FGF12: variants seen among roughly 807,000 people sequenced by gnomAD.
FGF12 encodes the protein fibroblast growth factor 12, also known as fibroblast growth factor 12B.
A neutral mutation model predicts 23.6 loss-of-function variants in FGF12; 14 were observed. That is an observed-to-expected ratio of 0.59 (90% CI 0.39 to 0.93). The LOEUF is 0.93. Among genes scored for constraint, FGF12 ranks in the 40% least tolerant of loss-of-function variants. The pLI, the probability that FGF12 is intolerant of heterozygous loss-of-function variation, is 0.00. For synonymous variants in FGF12, 62 were observed against 77.3 expected (o/e 0.80, Z 1.04); for missense variants, 175 against 217.8 (o/e 0.80, Z 1.24).
chr3:192,724,985 G>C (rs1054701444), intron 2 of FGF12, among the ~76,000 whole-genome samples: 1 of 152,072 alleles, frequency 6.6e-6, no homozygotes, highest in Non-Finnish European at 1.5e-5. Context: ...ATACATTTGA[G>C]AATGTCTTCC....
chr3:192,235,803 A>C (rs964974763), intron 4 of FGF12, among the ~76,000 whole-genome samples: 3 of 152,184 alleles, frequency 2.0e-5, no homozygotes, highest in African/African-American at 7.2e-5. Flanking sequence ...CCATTCAAAG[A>C]ACCAGCTTTT....
chr3:192,674,958 T>C (rs554137203), intron 2 of FGF12, among the ~76,000 whole-genome samples: 1 of 152,354 alleles, frequency 6.6e-6, no homozygotes, highest in South Asian at 2.1e-4. Context: ...CTTTGCAGCC[T>C]TTCCATGTTT....
chr3:192,219,884 TCTAA>T (rs1377885122), intron 4 of FGF12, among the ~76,000 whole-genome samples: 1 of 152,240 alleles, frequency 6.6e-6, no homozygotes, highest in Non-Finnish European at 1.5e-5. Context: ...TTGAAGATCC[TCTAA>T]CTGAGTTCAT....
chr3:192,265,168 T>A (rs988832620), intron 4 of FGF12: 1 of 151,998 alleles, frequency 6.6e-6, no homozygotes, highest in Non-Finnish European at 1.5e-5. Context: ...ACTTTAAGAG[T>A]TGGCCTGGAA....
chr3:192,459,166 A>G (rs1396688753), intron 2 of FGF12, among the ~76,000 whole-genome samples: 1 of 152,136 alleles, frequency 6.6e-6, no homozygotes, highest in African/African-American at 2.4e-5. Context: ...ACATGCAGAG[A>G]CTTCATCTTG....
intron 2 of FGF12, among the ~76,000 whole-genome samples, chr3:192,709,790 C>CT (rs1210262477): frequency 6.6e-6 from 1 of 152,162 alleles, no homozygotes; most frequent in Admixed American, 6.5e-5. Flanking sequence ...TCACTTCCAC[C>CT]CCCTAGAGCC....
chr3:192,308,185 G>A (rs1199097547), intron 4 of FGF12, among the ~76,000 whole-genome samples: 2 of 152,010 alleles, frequency 1.3e-5, no homozygotes, highest in Admixed American at 6.6e-5. Context: ...CGATATTCAC[G>A]TGAAAAACCA....
intron 2 of FGF12, among the ~76,000 whole-genome samples, chr3:192,587,288 T>C (rs986035823): frequency 2.6e-5 from 4 of 151,888 alleles, no homozygotes; most frequent in African/African-American, 9.7e-5. Context: ...TCAGAATGAA[T>C]GCCTTGTGAT....
chr3:192,705,849 C>T (rs1395213329), intron 2 of FGF12, among the ~76,000 whole-genome samples: 1 of 152,198 alleles, frequency 6.6e-6, no homozygotes, highest in Non-Finnish European at 1.5e-5. Flanking sequence ...GCTTTCTACA[C>T]TAGATCAACC....
chr3:192,292,064 G>T (rs1217220883), intron 4 of FGF12, among the ~76,000 whole-genome samples: 2 of 152,102 alleles, frequency 1.3e-5, no homozygotes, highest in Non-Finnish European at 2.9e-5. Flanking sequence ...ACCAAAATAT[G>T]AAAATGGCTA....
intron 2 of FGF12, among the ~76,000 whole-genome samples, chr3:192,437,719 C>CA (rs371838869): frequency 0.026 from 3,254 of 125,414 alleles, 70 homozygotes; most frequent in African/African-American, 0.083. Context: ...AACAAACAAA[C>CA]AAAAAAAAAA....
chr3:192,193,540 AT>A (rs1716910475), intron 4 of FGF12, among the ~76,000 whole-genome samples: 1 of 152,180 alleles, frequency 6.6e-6, no homozygotes, highest in Non-Finnish European at 1.5e-5. Flanking sequence ...CATCAAATTT[AT>A]TTGACATTCT....
intron 4 of FGF12, among the ~76,000 whole-genome samples, chr3:192,217,144 A>G (rs1010374314): frequency 1.1e-4 from 16 of 152,174 alleles, no homozygotes; most frequent in African/African-American, 3.1e-4. Flanking sequence ...GTGCAAGTCA[A>G]TTAACCACAC....
intron 4 of FGF12, among the ~76,000 whole-genome samples, chr3:192,320,563 A>G (rs1716482791): frequency 6.6e-6 from 1 of 152,198 alleles, no homozygotes; most frequent in African/African-American, 2.4e-5. Flanking sequence ...CTAGGTCACA[A>G]AACAAGTCTT....
Position 192,658,378 on chromosome 3 carries a change from G to C in FGF12, c.13+68803C>G, listed in dbSNP as rs181040179. On this transcript the variant is annotated intron_variant, in intron 2 of 5. Transcript: ENST00000445105. The stretch of plus-strand genomic sequence containing the variant: ...TGCCTCTTTCAACTCAAGATCAGCT[G>C]CTGGCTTGTGAGAACGTTCCCTTGG... Among the ~76,000 whole-genome samples, 3 of 152,300 alleles carry C rather than the reference G, an allele frequency of 2.0e-5. No homozygotes were observed. In the East Asian group the frequency reaches 5.8e-4, roughly 29 times the overall value.
intron 2 of FGF12, among the ~76,000 whole-genome samples, chr3:192,416,421 C>A (rs2108781358): frequency 6.6e-6 from 1 of 152,178 alleles, no homozygotes; most frequent in East Asian, 1.9e-4. Context: ...GCCTGTGAAA[C>A]AACTACATTA....
chr3:192,429,772 A>G (rs1721805198), intron 2 of FGF12, among the ~76,000 whole-genome samples: 1 of 143,958 alleles, frequency 6.9e-6, no homozygotes, highest in African/African-American at 2.5e-5. Context: ...ATTTGAGAAG[A>G]TATCTCTTAA....
chr3:192,408,447 A>C lies in FGF12; in HGVS notation c.14-47909T>G. ...GAAAATCCAGATGTAAACTTCCCCAACCTCTGGCGGCCGGGGGGCGGGGCG... is the reference window on the plus strand; with the variant it reads ...GAAAATCCAGATGTAAACTTCCCCACCCTCTGGCGGCCGGGGGGCGGGGCG... On this transcript the variant is annotated intron_variant, in intron 2 of 5. Transcript: ENST00000445105. The surrounding 1 kb of genome is among the most constrained non-coding windows in gnomAD (Gnocchi z 7.3). The C allele has an allele frequency of 7.4e-6, 10 of 1,345,472 alleles. No homozygotes were observed. The highest frequency in any genetic ancestry group is 3.0e-5 in the East Asian group (1 of 33,636). The allele number at this position is 1,345,472 out of a possible 1,614,324, so 83.3% of individuals were successfully genotyped here. A position where few individuals can be genotyped will look rare whatever the true frequency, so the allele number is the denominator to read the frequency against.
At chr3:192,189,849 GAC>G (rs2108645718) in intron 4 of FGF12, among the ~76,000 whole-genome samples, 1 of 152,160 alleles carries the variant, frequency 6.6e-6, no homozygotes, top group Admixed American at 6.5e-5. Context: ...CTAATATACC[GAC>G]CAAAGAGGAT....
Sources: gnomAD v4.1 joint callset for allele counts (sites outside exome capture counted in the v4.1 genomes callset) on GRCh38, gnomAD v4.1.1 for gene constraint, Gnocchi (gnomAD v3.1) non-coding constraint, MANE v1.5 for transcripts, NCBI Gene and HGNC (gene_info 2026-07-23, HGNC 2026-07-21) for gene names.